Variants in CHRM2 observed in about 807,000 individuals in gnomAD.
CHRM2 encodes the protein cholinergic receptor muscarinic 2, also known as muscarinic acetylcholine receptor M2.
CHRM2 carries 8 observed loss-of-function variants against 25.0 expected under a neutral mutation model. That is an observed-to-expected ratio of 0.32 (90% CI 0.19 to 0.58). The LOEUF (loss-of-function observed/expected upper bound fraction) is 0.58. Among genes scored for constraint, CHRM2 ranks in the 20% least tolerant of loss-of-function variants. The probability of loss-of-function intolerance (pLI) is 0.88; values close to 1 mark genes in which losing one functional copy is unlikely to be tolerated. For synonymous variants in CHRM2, 202 were observed against 205.7 expected (o/e 0.98, Z 0.15); for missense variants, 440 against 567.1 (o/e 0.78, Z 2.28).
chr7:137,014,778 T>C, intron 3 of CHRM2, 42 bp from the exon 4 acceptor site: 4 of 1,175,854 alleles, frequency 3.4e-6, no homozygotes, highest in Non-Finnish European at 5.0e-6. Flanking sequence ...TTTAAACCAA[T>C]GTTTATATTA....
intron 2 of CHRM2, chr7:136,871,534 C>A (rs1282841023): frequency 2.0e-5 from 3 of 152,714 alleles, no homozygotes; most frequent in Non-Finnish European, 4.4e-5. Flanking sequence ...CGGGATTGTG[C>A]GGCAAAGGCC....
chr7:136,949,050 A>G (rs1426270387), intron 2 of CHRM2, among the ~76,000 whole-genome samples: 1 of 152,176 alleles, frequency 6.6e-6, no homozygotes. Flanking sequence ...CAGCAAACCA[A>G]ATATGTATCT....
intron 2 of CHRM2, among the ~76,000 whole-genome samples, chr7:136,939,906 A>G (rs980442067): frequency 6.6e-6 from 1 of 152,230 alleles, no homozygotes; most frequent in African/African-American, 2.4e-5. Flanking sequence ...GTGAATATTG[A>G]TTGTATAACA....
chr7:136,879,565 T>C (rs79445753), intron 2 of CHRM2, among the ~76,000 whole-genome samples: 2,832 of 152,094 alleles, frequency 0.019, 33 homozygotes, highest in Non-Finnish European at 0.029. Context: ...TTTACACTCT[T>C]ACATTTCAAT....
chr7:136,918,986 T>C (rs998661981), intron 2 of CHRM2, among the ~76,000 whole-genome samples: 3 of 152,156 alleles, frequency 2.0e-5, no homozygotes, highest in African/African-American at 7.2e-5. Context: ...ATAAATACTT[T>C]GTCCAGGCAA....
intron 3 of CHRM2, 126 bp from the exon 4 acceptor site, chr7:137,014,692 GAC>G (rs1167125378): frequency 1.5e-6 from 1 of 667,944 alleles, no homozygotes; most frequent in African/African-American, 1.8e-5. Context: ...GAGGCAGGTA[GAC>G]ACAGTAATCA....
In CHRM2 at chr7:136,977,094, G is replaced by C. The variant is rs1031017986; in HGVS notation, c.-124-15093G>C. On this transcript the variant is annotated intron_variant, in intron 2 of 3. Transcript: ENST00000680005. ...CACCACTGTGAAAGATAGAACATCT[G>C]TTTGCTTTGGAATCCAAGAGAAGCT... Among the ~76,000 whole-genome samples, 13 of 152,192 alleles carry C rather than the reference G, an allele frequency of 8.5e-5. 1 individual carries two copies. Among genetic ancestry groups the C allele is most frequent in the Admixed American group, 2.6e-4 (4 of 15,274 alleles).
chr7:136,974,228 G>T (rs935316643), intron 2 of CHRM2, among the ~76,000 whole-genome samples: 1 of 152,116 alleles, frequency 6.6e-6, no homozygotes. Flanking sequence ...ATTGTTTCCA[G>T]GTTGGTACAG....
chr7:136,895,624 C>G (rs1004893279), intron 2 of CHRM2, among the ~76,000 whole-genome samples: 5 of 152,064 alleles, frequency 3.3e-5, no homozygotes, highest in Non-Finnish European at 7.4e-5. Context: ...TTAGCTTATC[C>G]ATCTCCTCTC....
chr7:136,964,485 T>C (rs1801291222), intron 2 of CHRM2, among the ~76,000 whole-genome samples: 1 of 152,206 alleles, frequency 6.6e-6, no homozygotes, highest in Non-Finnish European at 1.5e-5. Context: ...GAGAAAAACA[T>C]TTCTCAATTG....
At chr7:137,008,086 A>G (rs886370854) in intron 3 of CHRM2, among the ~76,000 whole-genome samples, 1 of 152,148 alleles carries the variant, frequency 6.6e-6, no homozygotes, top group Non-Finnish European at 1.5e-5. Flanking sequence ...AAAAAAATAT[A>G]GCTGGAATGT....
intron 3 of CHRM2, among the ~76,000 whole-genome samples, chr7:137,001,285 G>C (rs944461909): frequency 2.6e-5 from 4 of 152,090 alleles, no homozygotes; most frequent in African/African-American, 7.2e-5. Context: ...TTTATGCACA[G>C]TCATTTGTTA....
At chr7:137,000,562 A>AGGAAGGAG (rs1803949411) in intron 3 of CHRM2, among the ~76,000 whole-genome samples, 2 of 148,952 alleles carry the variant, frequency 1.3e-5, no homozygotes, top group African/African-American at 2.5e-5. Flanking sequence ...GAAGGAAGGA[A>AGGAAGGAG]GGAAGGAAGG....
intron 2 of CHRM2, among the ~76,000 whole-genome samples, chr7:136,976,441 T>C (rs1329756079): frequency 6.6e-6 from 1 of 152,178 alleles, no homozygotes; most frequent in East Asian, 1.9e-4. Flanking sequence ...CTATGATGTA[T>C]GTAATATTAT....
chr7:137,012,436 C>T (rs1356269421), intron 3 of CHRM2, among the ~76,000 whole-genome samples: 1 of 151,958 alleles, frequency 6.6e-6, no homozygotes, highest in East Asian at 1.9e-4. Context: ...AACATCATTT[C>T]CCTGATTAAA....
At chr7:136,870,692 G>C (rs1253413646) in intron 2 of CHRM2, 1 of 152,428 alleles carries the variant, frequency 6.6e-6, no homozygotes, top group Non-Finnish European at 1.5e-5. Flanking sequence ...AGAATTGGAG[G>C]TAAACGCGTA....
In CHRM2 at chr7:137,017,002, T is replaced by C. The variant is rs1277464737; in HGVS notation, c.*736T>C. ...CACTAAAGCTAGCCAGAGACAGCCA[T>C]GAAAATGGACGTTTCACCCCTCCTC... On this transcript the variant is annotated 3_prime_UTR_variant, in exon 4 of 4. Transcript: ENST00000680005. 1.2e-5 allele frequency: 2 copies of C among 165,758 alleles called. No individual in the cohort carries two copies. Among genetic ancestry groups the C allele is most frequent in the Non-Finnish European group, 2.9e-5 (2 of 68,036 alleles). 10.3% of individuals were successfully genotyped at this position (165,758 alleles called of 1,614,324 possible). A position where few individuals can be genotyped will look rare whatever the true frequency, so the allele number is the denominator to read the frequency against.
At chr7:137,012,963 T>C (rs1264948930) in intron 3 of CHRM2, among the ~76,000 whole-genome samples, 5 of 152,010 alleles carry the variant, frequency 3.3e-5, no homozygotes, top group Admixed American at 3.3e-4. Context: ...TGTTTTTCAC[T>C]GTCTGGATTT....
intron 2 of CHRM2, chr7:136,903,067 T>A: frequency 1.9e-6 from 1 of 517,626 alleles, no homozygotes; most frequent in South Asian, 1.5e-5. Flanking sequence ...AATGAAATTC[T>A]GACACAGAAG....
Sources: allele counts gnomAD v4.1 joint callset (sites outside exome capture counted in the v4.1 genomes callset), GRCh38; gene constraint gnomAD v4.1.1; transcripts MANE v1.5; gene names NCBI Gene and HGNC (gene_info 2026-07-23, HGNC 2026-07-21).